Variants in ADAMTSL1 observed in about 807,000 individuals in gnomAD.
The protein encoded by ADAMTSL1 is ADAMTS like 1.
A neutral mutation model predicts 201.8 loss-of-function variants in ADAMTSL1; 126 were observed. The ratio of observed to expected loss-of-function variants is 0.62; its 90% confidence interval spans 0.54 to 0.72. The LOEUF (loss-of-function observed/expected upper bound fraction) is 0.72, where lower values mean the gene tolerates loss of function less well. Among genes scored for constraint, ADAMTSL1 ranks in the 30% least tolerant of loss-of-function variants. The pLI is 0.00. For missense variants in ADAMTSL1, 2,679 were observed against 2,277.8 expected (o/e 1.18, Z -3.59); for synonymous variants, 1,121 against 903.4 (o/e 1.24, Z -4.32).
chr9:18,825,395 T>A (rs1200998177), intron 21 of ADAMTSL1, among the ~76,000 whole-genome samples: 2 of 152,188 alleles, frequency 1.3e-5, no homozygotes, highest in African/African-American at 2.4e-5. Context: ...TTGAGCACTT[T>A]CCTTTTGTCC....
At chr9:18,517,241 A>G (rs1397259236) in intron 2 of ADAMTSL1, among the ~76,000 whole-genome samples, 1 of 152,114 alleles carries the variant, frequency 6.6e-6, no homozygotes, top group Non-Finnish European at 1.5e-5. Context: ...AAAGGCAGCA[A>G]TCCCCCGGCC....
chr9:18,097,641 G>A (rs1454412024), intron 1 of ADAMTSL1, among the ~76,000 whole-genome samples: 1 of 152,084 alleles, frequency 6.6e-6, no homozygotes, highest in Non-Finnish European at 1.5e-5. Flanking sequence ...TCAGTCTAAT[G>A]CATGTCTCTC....
chr9:18,580,130 T>C (rs1823002435), intron 4 of ADAMTSL1, among the ~76,000 whole-genome samples: 2 of 152,322 alleles, frequency 1.3e-5, no homozygotes, highest in South Asian at 2.1e-4. Context: ...TTTCAAAAAA[T>C]TAAGCATTTC....
chr9:18,647,734 G>C (rs979472632), intron 7 of ADAMTSL1, among the ~76,000 whole-genome samples: 3 of 151,618 alleles, frequency 2.0e-5, no homozygotes, highest in African/African-American at 7.3e-5. Context: ...TAGTTTGATT[G>C]CACTGTGGTC....
chr9:17,990,872 C>T (rs538881289), intron 1 of ADAMTSL1, among the ~76,000 whole-genome samples: 57 of 152,202 alleles, frequency 3.7e-4, no homozygotes, highest in African/African-American at 1.3e-3. Flanking sequence ...ACCTTAATTT[C>T]CTTACCAACT....
Position 18,753,878 on chromosome 9 carries a change from T to G in ADAMTSL1, c.2217+370T>G, listed in dbSNP as rs1819601723. On this transcript the variant is annotated intron_variant, in intron 16 of 28. Coordinates refer to ENST00000380548, the MANE Select transcript of ADAMTSL1 (RefSeq NM_001040272.6). ...TTTACACCCTTTCTAGTTTTTTTGCTGTTTAAAATTCTAAGAAATAAGGGT... is the reference window on the plus strand; with the variant it reads ...TTTACACCCTTTCTAGTTTTTTTGCGGTTTAAAATTCTAAGAAATAAGGGT... Among the ~76,000 whole-genome samples, 2 of 152,364 alleles carry G rather than the reference T, an allele frequency of 1.3e-5. 1 individual carries two copies. Among genetic ancestry groups the G allele is most frequent in the South Asian group, 4.1e-4 (2 of 4,828 alleles).
chr9:18,729,182 A>T lies in ADAMTSL1; in HGVS notation c.2006+7517A>T, dbSNP rs148771574. 5.2e-3 allele frequency among the ~76,000 whole-genome samples: 799 copies of T among 152,266 alleles called. 4 individuals are homozygous for T. The highest frequency in any genetic ancestry group is 4.4e-3 in the Non-Finnish European group (302 of 68,010). On this transcript the variant is annotated intron_variant, in intron 15 of 28. Transcript: ENST00000380548. ...GCAGGAGGAGGATACAGCCCCAAGGAAGGGTGTCAGGGCGTCATGAGTGTT... is the reference window on the plus strand; with the variant it reads ...GCAGGAGGAGGATACAGCCCCAAGGTAGGGTGTCAGGGCGTCATGAGTGTT...
intron 16 of ADAMTSL1, among the ~76,000 whole-genome samples, chr9:18,765,421 GATA>G (rs148216009): frequency 0.16 from 24,399 of 151,978 alleles, 2,346 homozygotes; most frequent in Admixed American, 0.24. Context: ...AGGTTTAGGA[GATA>G]ATAATTTTAT....
At chr9:17,984,506 A>G (rs1044866158) in intron 1 of ADAMTSL1, among the ~76,000 whole-genome samples, 1 of 152,146 alleles carries the variant, frequency 6.6e-6, no homozygotes, top group African/African-American at 2.4e-5. Context: ...AGGGATTTAT[A>G]TGAAGTATGT....
intron 2 of ADAMTSL1, among the ~76,000 whole-genome samples, chr9:18,290,805 A>G (rs1485711261): frequency 2.3e-5 from 3 of 127,724 alleles, no homozygotes; most frequent in Non-Finnish European, 5.2e-5. Flanking sequence ...TTTTTGAGGC[A>G]GAGTCTCGCT....
chr9:18,366,219 A>G (rs1004442797), intron 2 of ADAMTSL1, among the ~76,000 whole-genome samples: 6 of 151,958 alleles, frequency 3.9e-5, no homozygotes, highest in African/African-American at 9.7e-5. Flanking sequence ...ACATAAACCC[A>G]TATGAATTTA....
chr9:18,743,296 A>G (rs1818947910), intron 15 of ADAMTSL1, among the ~76,000 whole-genome samples: 1 of 152,180 alleles, frequency 6.6e-6, no homozygotes, highest in Non-Finnish European at 1.5e-5. Flanking sequence ...TTTTGGTGTT[A>G]TTCTGCTATT....
At chr9:18,851,947 G>A (rs1019649618) in intron 23 of ADAMTSL1, among the ~76,000 whole-genome samples, 1 of 152,190 alleles carries the variant, frequency 6.6e-6, no homozygotes, top group African/African-American at 2.4e-5. Flanking sequence ...CTAGGAGACT[G>A]CCTTTCCCTG....
intron 23 of ADAMTSL1, among the ~76,000 whole-genome samples, chr9:18,840,923 A>G (rs1287231229): frequency 2.7e-5 from 4 of 147,906 alleles, no homozygotes; most frequent in Non-Finnish European, 6.0e-5. Context: ...TTATCAGCTT[A>G]AGGAGATTTT....
intron 2 of ADAMTSL1, among the ~76,000 whole-genome samples, chr9:18,294,622 G>A (rs1002591209): frequency 6.6e-6 from 1 of 152,190 alleles, no homozygotes; most frequent in Admixed American, 6.5e-5. Flanking sequence ...AGTGGGAAGG[G>A]AAAATGCTGT....
intron 4 of ADAMTSL1, among the ~76,000 whole-genome samples, chr9:18,597,085 T>A (rs956211896): frequency 6.6e-6 from 1 of 152,282 alleles, no homozygotes; most frequent in African/African-American, 2.4e-5. Flanking sequence ...TATATTATGT[T>A]GCTCAATATG....
chr9:18,330,800 A>G lies in ADAMTSL1; in HGVS notation c.207+166819A>G, dbSNP rs115762254. Among the ~76,000 whole-genome samples, 835 of 152,312 alleles carry G rather than the reference A, an allele frequency of 5.5e-3. 8 individuals carry two copies. The highest frequency in any genetic ancestry group is 0.019 in the African/African-American group (806 of 41,568). On this transcript the variant is annotated intron_variant, in intron 2 of 29. Transcript: ENST00000680146. ...CTAAGCAAACCAATAGTTGGGGATT[A>G]TATTTTACAAAACACATGGCTTTTG...
In ADAMTSL1 at chr9:18,775,726, C is replaced by G; in HGVS notation, c.2398-17C>G. On this transcript the variant is annotated splice_polypyrimidine_tract_variant and intron_variant, in intron 17 of 28. Coordinates refer to ENST00000380548, the MANE Select transcript of ADAMTSL1 (RefSeq NM_001040272.6). The stretch of plus-strand genomic sequence containing the variant: ...TTCCCAGAATTTATGTGCATTTGGC[C>G]TTTCTTTCTCCACCAGTGTTCCACA... The G allele has an allele frequency of 1.2e-6, 2 of 1,610,592 alleles. No individual in the cohort carries two copies. Among genetic ancestry groups the G allele is most frequent in the Non-Finnish European group, 8.5e-7 (1 of 1,178,438 alleles).
At chr9:18,325,794 G>T (rs1333438679) in intron 2 of ADAMTSL1, among the ~76,000 whole-genome samples, 1 of 150,828 alleles carries the variant, frequency 6.6e-6, no homozygotes, top group Non-Finnish European at 1.5e-5. Flanking sequence ...AGGCTGGAAT[G>T]AAGTGATGCA....
Sources: allele counts gnomAD v4.1 joint callset (sites outside exome capture counted in the v4.1 genomes callset), GRCh38; gene constraint gnomAD v4.1.1; transcripts MANE v1.5; gene names NCBI Gene and HGNC (gene_info 2026-07-23, HGNC 2026-07-21).